Variants in YJU2B observed in about 807,000 individuals in gnomAD.
YJU2B encodes the protein YJU2 splicing factor homolog B, also known as probable splicing factor YJU2B.
A neutral mutation model predicts 38.0 loss-of-function variants in YJU2B; 18 were observed. That is an observed-to-expected ratio of 0.47 (90% CI 0.33 to 0.70). YJU2B has a LOEUF of 0.70. Among genes scored for constraint, YJU2B ranks in the 30% least tolerant of loss-of-function variants. The probability of loss-of-function intolerance (pLI) is 0.02; values close to 1 mark genes in which losing one functional copy is unlikely to be tolerated. For synonymous variants in YJU2B, 246 were observed against 225.4 expected (o/e 1.09, Z -0.82); for missense variants, 538 against 556.3 (o/e 0.97, Z 0.33).
At chr19:13,738,811 A>AC (rs2145086001) in intron 2 of YJU2B, among the ~76,000 whole-genome samples, 1 of 149,300 alleles carries the variant, frequency 6.7e-6, no homozygotes, top group East Asian at 2.0e-4. Context: ...AATGGTGTGA[A>AC]CCCGGGAGGC....
intron 1 of YJU2B, among the ~76,000 whole-genome samples, chr19:13,748,851 C>T (rs1444859941): frequency 6.6e-6 from 1 of 152,080 alleles, no homozygotes; most frequent in Non-Finnish European, 1.5e-5. Flanking sequence ...TTGGAAGGGA[C>T]CTTGGAATAA....
intron 2 of YJU2B, among the ~76,000 whole-genome samples, chr19:13,735,304 G>A (rs144265411): frequency 6.6e-6 from 1 of 152,336 alleles, no homozygotes; most frequent in African/African-American, 2.4e-5. Context: ...GACAGAGCGA[G>A]ACTCTGTCTC....
At chr19:13,751,910 T>C in intron 2 of YJU2B, 99 bp downstream of exon 2, 11 of 1,125,078 alleles carry the variant, frequency 9.8e-6, no homozygotes, top group Non-Finnish European at 1.5e-5. Flanking sequence ...AGATGATGAT[T>C]TCAATCTCCG....
chr19:13,762,430 C>A lies in YJU2B; in HGVS notation c.705C>A (p.Thr235=). ...TGGCGGCTCTGCTGAAGTTCCACAC[C>A]CTGGACTGTGCGTAGGAGGCCAGGG... ...RKLAALLKFH[T]LDSYEDKQKL... is the part of the protein sequence containing the mutation. The change falls in exon 9 of 10, where the codon ACC becomes ACA. Residue 235 remains threonine, a synonymous_variant. Transcript: ENST00000221554. 1.2e-6 allele frequency: 2 copies of A among 1,612,728 alleles called. No homozygotes were observed. The highest frequency in any genetic ancestry group is 1.8e-4 in the Middle Eastern group (1 of 5,658).
chr19:13,741,254 A>G (rs1973087414), intron 2 of YJU2B, among the ~76,000 whole-genome samples: 1 of 150,144 alleles, frequency 6.7e-6, no homozygotes, highest in Non-Finnish European at 1.5e-5. Context: ...TCCTGGGTTC[A>G]AGTGATTCTC....
intron 8 of YJU2B, 175 bp downstream of exon 8, chr19:13,759,447 A>G (rs1973801414): frequency 8.7e-6 from 5 of 573,152 alleles, no homozygotes; most frequent in Middle Eastern, 4.5e-4. Flanking sequence ...GGCTACTATA[A>G]TAAAAAATAC....
intron 4 of YJU2B, 76 bp downstream of exon 4, chr19:13,756,355 A>G (rs1973668805): frequency 8.7e-7 from 1 of 1,143,384 alleles, no homozygotes; most frequent in Admixed American, 1.7e-5. Flanking sequence ...CAGTGCCCTC[A>G]TTGGCCCAGT....
intron 2 of YJU2B, among the ~76,000 whole-genome samples, chr19:13,736,473 T>G (rs1321209078): frequency 6.6e-6 from 1 of 151,548 alleles, no homozygotes; most frequent in East Asian, 2.0e-4. Flanking sequence ...TTGGCCAGGC[T>G]GGTCTTGAAC....
intron 2 of YJU2B, among the ~76,000 whole-genome samples, chr19:13,741,818 CTT>C (rs907091935): frequency 2.0e-5 from 3 of 152,102 alleles, no homozygotes; most frequent in African/African-American, 7.2e-5. Context: ...CTAACTTTCT[CTT>C]GTTTCTCCCC....
At chr19:13,741,965 C>A (rs1973105869) in intron 2 of YJU2B, among the ~76,000 whole-genome samples, 1 of 152,182 alleles carries the variant, frequency 6.6e-6, no homozygotes, top group Non-Finnish European at 1.5e-5. Flanking sequence ...GAAATATTAA[C>A]CACTGGCAAA....
intron 6 of YJU2B, among the ~76,000 whole-genome samples, chr19:13,758,380 C>T (rs890962459): frequency 6.6e-6 from 1 of 152,202 alleles, no homozygotes; most frequent in African/African-American, 2.4e-5. Context: ...CAGCAGCTGG[C>T]ACTGAGCCTG....
In YJU2B at chr19:13,756,200, G is replaced by A. The variant is rs1342657009; in HGVS notation, c.61G>A (p.Gly21Ser). 3 of 1,613,914 alleles carry A rather than the reference G, an allele frequency of 1.9e-6. No homozygotes were observed. The highest frequency in any genetic ancestry group is 3.3e-5 in the Admixed American group (2 of 60,002). The change falls in exon 4 of 10, where the codon GGC (glycine) becomes AGC (serine). Residue 21 changes from glycine (G) to serine (S), a missense_variant. Gly to Ser is a moderately conservative substitution (Grantham distance 56). Transcript: ENST00000221554. ...YPPDFNPEKH[G>S]SLNRYHNSHP... ...GCTCCTCATCCTCTCCACACAGCAT[G>A]GCTCTCTCAACCGATACCACAACAG...
intron 2 of YJU2B, among the ~76,000 whole-genome samples, chr19:13,734,072 C>A: frequency 6.6e-6 from 1 of 151,902 alleles, no homozygotes; most frequent in South Asian, 2.1e-4. Context: ...GGACTATAGG[C>A]ATGCACCACC....
chr19:13,754,144 C>A, intron 2 of YJU2B, 145 bp from the exon 3 acceptor site: 1 of 652,852 alleles, frequency 1.5e-6, no homozygotes, highest in Non-Finnish European at 2.7e-6. Context: ...TGCACTCCAG[C>A]ATGGGTGACA....
upstream of YJU2B, among the ~76,000 whole-genome samples, chr19:13,747,620 G>C (rs1210002678): frequency 6.6e-6 from 1 of 152,224 alleles, no homozygotes; most frequent in South Asian, 2.1e-4. Flanking sequence ...ACAGGGGCCC[G>C]CCACCACACC....
rs440505 is a variant in YJU2B, at chr19:13,759,291, C to T, written c.573+19C>T. On this transcript the variant is annotated intron_variant, in intron 8 of 9. Transcript: ENST00000221554. ...GTTCCGGGTGAGGGGGGCTCCAGCC[C>T]GGGGTCAGAGAGGATGCATGGTGGA... The T allele has an allele frequency of 2.2e-4, 353 of 1,586,244 alleles. 2 individuals are homozygous for T. The East Asian group carries it at 6.2e-3, about 28-fold the overall frequency.
At chr19:13,739,377 T>C (rs1973035819) in intron 2 of YJU2B, among the ~76,000 whole-genome samples, 1 of 152,202 alleles carries the variant, frequency 6.6e-6, no homozygotes, top group Non-Finnish European at 1.5e-5. Context: ...TTCATTGTCT[T>C]ACTAGTGCAT....
upstream of YJU2B, among the ~76,000 whole-genome samples, chr19:13,747,334 TC>T: frequency 6.6e-6 from 1 of 152,278 alleles, no homozygotes; most frequent in Non-Finnish European, 1.5e-5. Context: ...AAATAGTTTT[TC>T]CCCCACCTAA....
upstream of YJU2B, among the ~76,000 whole-genome samples, chr19:13,745,727 C>CTATA (rs59968833): frequency 8.3e-5 from 7 of 84,210 alleles, no homozygotes; most frequent in African/African-American, 2.7e-4. Flanking sequence ...CTATAGATAT[C>CTATA]TATATATATA....
Sources: allele counts gnomAD v4.1 joint callset (sites outside exome capture counted in the v4.1 genomes callset), GRCh38; gene constraint gnomAD v4.1.1; transcripts MANE v1.5; gene names NCBI Gene and HGNC (gene_info 2026-07-23, HGNC 2026-07-21).